KCNIP4: variants seen among roughly 807,000 people sequenced by gnomAD.
KCNIP4 encodes the protein Kv channel-interacting protein 4.
KCNIP4 carries 12 observed loss-of-function variants against 34.0 expected under a neutral mutation model. The ratio of observed to expected loss-of-function variants is 0.35; its 90% CI spans 0.23 to 0.57. The LOEUF is 0.57. Ranked by LOEUF, KCNIP4 falls within the 20% of genes least tolerant of loss-of-function variation. KCNIP4 has a pLI of 0.83. For missense variants in KCNIP4, 238 were observed against 311.7 expected (o/e 0.76, Z 1.78); for synonymous variants, 124 against 102.2 (o/e 1.21, Z -1.29).
Position 21,122,020 on chromosome 4 carries a change from T to C in KCNIP4, c.62-239311A>G, listed in dbSNP as rs952186101. 7.9e-5 allele frequency among the ~76,000 whole-genome samples: 12 copies of C among 152,324 alleles called. 2 individuals are homozygous for C. Among genetic ancestry groups the C allele is most frequent in the Admixed American group, 2.0e-4 (3 of 15,300 alleles). ...TGATAATGAGTTAGGAGCATCTCCT[T>C]CATCATAAAGAGTTCATTTTTGGGG... is the stretch of plus-strand genomic sequence containing the variant. On this transcript the variant is annotated intron_variant, in intron 1 of 8. Transcript: ENST00000382152.
At chr4:21,452,783 A>G (rs1271989954) in intron 1 of KCNIP4, among the ~76,000 whole-genome samples, 1 of 151,368 alleles carries the variant, frequency 6.6e-6, no homozygotes, top group Non-Finnish European at 1.5e-5. Flanking sequence ...AAAAAAAAAA[A>G]GAGAAGGAAA....
chr4:21,522,344 A>C (rs1735602180), intron 1 of KCNIP4, among the ~76,000 whole-genome samples: 1 of 151,794 alleles, frequency 6.6e-6, no homozygotes, highest in Non-Finnish European at 1.5e-5. Context: ...AGCAAAATAC[A>C]TTTTCACCTG....
chr4:21,918,807 G>C (rs940063223), intron 1 of KCNIP4, among the ~76,000 whole-genome samples: 1 of 152,124 alleles, frequency 6.6e-6, no homozygotes, highest in East Asian at 1.9e-4. Flanking sequence ...CAAAAAAATA[G>C]ACTGGAAGCC....
intron 1 of KCNIP4, among the ~76,000 whole-genome samples, chr4:20,920,913 C>T (rs189668295): frequency 6.6e-6 from 1 of 152,046 alleles, no homozygotes; most frequent in Admixed American, 6.6e-5. Flanking sequence ...TGCTTGAACC[C>T]GGGAGGTGGA....
At chr4:21,946,629 T>C (rs1323669942) in intron 1 of KCNIP4, among the ~76,000 whole-genome samples, 1 of 152,170 alleles carries the variant, frequency 6.6e-6, no homozygotes, top group African/African-American at 2.4e-5. Context: ...TTTGAAGCAA[T>C]ATCAACAAGA....
rs1032914008 is a variant in KCNIP4, at chr4:20,729,650, A to G, written c.*432T>C. ...GGAATTACAGCATTCAAACATGAAA[A>G]TTAATTTAATTTCTGGAAATTAAAT... On this transcript the variant is annotated 3_prime_UTR_variant, in exon 9 of 9. Transcript: ENST00000382152. 4 of 153,318 alleles carry G rather than the reference A, an allele frequency of 2.6e-5. No individual in the cohort carries two copies. The highest frequency in any genetic ancestry group is 9.7e-5 in the African/African-American group (4 of 41,442). The allele number at this position is 153,318 out of a possible 1,614,324, so 9.5% of individuals were successfully genotyped here.
intron 1 of KCNIP4, among the ~76,000 whole-genome samples, chr4:21,623,190 A>G (rs1745101106): frequency 6.6e-6 from 1 of 152,212 alleles, no homozygotes; most frequent in South Asian, 2.1e-4. Context: ...ATAGCAGGAA[A>G]ACAGATTTGT....
At chr4:21,826,772 T>A (rs1206416579) in intron 1 of KCNIP4, among the ~76,000 whole-genome samples, 1 of 152,100 alleles carries the variant, frequency 6.6e-6, no homozygotes, top group African/African-American at 2.4e-5. Context: ...ATTCCCTCTA[T>A]AAATTAACTG....
chr4:21,817,507 G>A (rs541923754), intron 1 of KCNIP4, among the ~76,000 whole-genome samples: 11 of 152,108 alleles, frequency 7.2e-5, no homozygotes, highest in Non-Finnish European at 1.5e-4. Flanking sequence ...GACTGCCTGC[G>A]GGGTCGGGCA....
intron 1 of KCNIP4, among the ~76,000 whole-genome samples, chr4:21,856,351 AGTT>A (rs1283102896): frequency 6.7e-4 from 102 of 152,342 alleles, no homozygotes; most frequent in African/African-American, 2.2e-3. Context: ...ATGAATATAA[AGTT>A]GTGAGTGGCT....
intron 1 of KCNIP4, among the ~76,000 whole-genome samples, chr4:21,515,281 T>C (rs1320021962): frequency 6.6e-6 from 1 of 152,172 alleles, no homozygotes; most frequent in Non-Finnish European, 1.5e-5. Flanking sequence ...CAATGGGTGC[T>C]ATAGTTTGAA....
intron 1 of KCNIP4, among the ~76,000 whole-genome samples, chr4:21,364,587 C>A (rs777482748): frequency 6.6e-6 from 1 of 151,168 alleles, no homozygotes; most frequent in Non-Finnish European, 1.5e-5. Context: ...ATTTTTTTTT[C>A]TTTTTACAAT....
chr4:21,328,927 C>T (rs1006154404), intron 1 of KCNIP4, among the ~76,000 whole-genome samples: 4 of 152,252 alleles, frequency 2.6e-5, no homozygotes, highest in African/African-American at 7.2e-5. Context: ...CTTCAGTCAC[C>T]TTGTGGTAAA....
intron 1 of KCNIP4, among the ~76,000 whole-genome samples, chr4:21,083,723 C>G (rs1172463888): frequency 6.6e-6 from 1 of 151,890 alleles, no homozygotes; most frequent in Non-Finnish European, 1.5e-5. Flanking sequence ...TGGCTTCTGG[C>G]CTTCCTAACT....
intron 1 of KCNIP4, chr4:21,845,729 C>G (rs2109327469): frequency 6.6e-6 from 1 of 152,148 alleles, no homozygotes; most frequent in East Asian, 1.9e-4. Context: ...TCACTAACTG[C>G]CTAAGTTAGT....
intron 1 of KCNIP4, among the ~76,000 whole-genome samples, chr4:21,859,671 T>G (rs999437240): frequency 1.3e-5 from 2 of 151,678 alleles, no homozygotes; most frequent in East Asian, 1.9e-4. Flanking sequence ...TAAAGAATCA[T>G]GTCAAATGGT....
intron 1 of KCNIP4, among the ~76,000 whole-genome samples, chr4:21,607,388 A>T (rs1239050294): frequency 6.6e-6 from 1 of 152,122 alleles, no homozygotes; most frequent in African/African-American, 2.4e-5. Flanking sequence ...ATAGAAGATA[A>T]AATTATTAAA....
intron 1 of KCNIP4, among the ~76,000 whole-genome samples, chr4:21,767,022 A>T (rs1263548074): frequency 6.6e-6 from 1 of 152,162 alleles, no homozygotes; most frequent in Non-Finnish European, 1.5e-5. Context: ...TGATCATGGC[A>T]ATGAAGAAAA....
chr4:21,477,999 C>T (rs1284508633), intron 1 of KCNIP4, among the ~76,000 whole-genome samples: 1 of 152,158 alleles, frequency 6.6e-6, no homozygotes, highest in African/African-American at 2.4e-5. Flanking sequence ...ATGTATCTAG[C>T]CTGTTAGTGT....
Sources: allele counts gnomAD v4.1 joint callset (sites outside exome capture counted in the v4.1 genomes callset), GRCh38; gene constraint gnomAD v4.1.1; transcripts MANE v1.5; gene names NCBI Gene and HGNC (gene_info 2026-07-23, HGNC 2026-07-21).